PRKG1: variants seen among roughly 807,000 people sequenced by gnomAD.
The protein encoded by PRKG1 is protein kinase cGMP-dependent 1.
A neutral mutation model predicts 88.1 loss-of-function variants in PRKG1; 35 were observed. The observed-to-expected ratio is 0.40, with a 90% CI of 0.30 to 0.53. PRKG1 has a LOEUF of 0.53. Among genes scored for constraint, PRKG1 ranks in the 20% least tolerant of loss-of-function variants. PRKG1 has a pLI of 0.59. For synonymous variants in PRKG1, 303 were observed against 292.5 expected (o/e 1.04, Z -0.37); for missense variants, 540 against 839.8 (o/e 0.64, Z 4.41).
At chr10:51,796,053 G>C (rs1013458423) in intron 3 of PRKG1, among the ~76,000 whole-genome samples, 1 of 151,960 alleles carries the variant, frequency 6.6e-6, no homozygotes. Flanking sequence ...AGATTATGAC[G>C]GTCTGTGGTG....
intron 3 of PRKG1, among the ~76,000 whole-genome samples, chr10:51,507,836 T>C (rs1217436857): frequency 2.0e-5 from 3 of 152,208 alleles, no homozygotes; most frequent in Non-Finnish European, 4.4e-5. Context: ...TAAATGCTTT[T>C]GACAGTTTCC....
At chr10:52,038,090 A>G (rs1845663357) in intron 5 of PRKG1, among the ~76,000 whole-genome samples, 1 of 152,134 alleles carries the variant, frequency 6.6e-6, no homozygotes, top group Non-Finnish European at 1.5e-5. Flanking sequence ...GGCTATTTGG[A>G]ACTACTGTCG....
At chr10:51,710,173 T>A (rs897821076) in intron 3 of PRKG1, among the ~76,000 whole-genome samples, 1 of 152,144 alleles carries the variant, frequency 6.6e-6, no homozygotes, top group African/African-American at 2.4e-5. Context: ...GTGCTCAGAT[T>A]TGAGTCTCTG....
intron 2 of PRKG1, among the ~76,000 whole-genome samples, chr10:51,331,695 A>G (rs1299014184): frequency 1.3e-5 from 2 of 152,182 alleles, no homozygotes; most frequent in South Asian, 2.1e-4. Flanking sequence ...TTTTGTGAAC[A>G]TATTTTCATG....
chr10:51,892,426 A>C (rs558872279), intron 4 of PRKG1, among the ~76,000 whole-genome samples: 171 of 152,260 alleles, frequency 1.1e-3, no homozygotes, highest in Non-Finnish European at 2.2e-3. Context: ...AGAGTCCTAG[A>C]CCCATTTATC....
At chr10:52,134,110 T>A (rs1331456617) in intron 8 of PRKG1, among the ~76,000 whole-genome samples, 4 of 152,182 alleles carry the variant, frequency 2.6e-5, no homozygotes, top group Admixed American at 2.0e-4. Context: ...AACAAGGTAC[T>A]TAACCACTGT....
intron 3 of PRKG1, among the ~76,000 whole-genome samples, chr10:51,582,900 T>A (rs776596560): frequency 6.6e-6 from 1 of 152,164 alleles, no homozygotes; most frequent in Non-Finnish European, 1.5e-5. Context: ...ATTATTTGCA[T>A]AATATTGTCA....
chr10:51,166,666 C>T (rs925131251), intron 2 of PRKG1, among the ~76,000 whole-genome samples: 1 of 152,042 alleles, frequency 6.6e-6, no homozygotes, highest in Non-Finnish European at 1.5e-5. Context: ...AATTCTAGTA[C>T]TCAAAGGCAC....
chr10:51,305,760 CTTTGT>C (rs1298647150), intron 2 of PRKG1, among the ~76,000 whole-genome samples: 3 of 152,160 alleles, frequency 2.0e-5, no homozygotes, highest in East Asian at 1.9e-4. Flanking sequence ...TAACATTTTG[CTTTGT>C]TTTATGTTTT....
At chr10:51,058,171 T>A (rs1843653743) in intron 1 of PRKG1, among the ~76,000 whole-genome samples, 1 of 152,134 alleles carries the variant, frequency 6.6e-6, no homozygotes, top group South Asian at 2.1e-4. Flanking sequence ...GTTCAAGTAT[T>A]TTGCCCATTT....
intron 3 of PRKG1, among the ~76,000 whole-genome samples, chr10:51,566,900 G>C (rs1183545624): frequency 1.3e-5 from 2 of 150,716 alleles, no homozygotes; most frequent in Non-Finnish European, 2.9e-5. Flanking sequence ...CTTAAATGTT[G>C]TCAATATATA....
intron 5 of PRKG1, among the ~76,000 whole-genome samples, chr10:52,016,361 C>T (rs902387166): frequency 6.6e-6 from 1 of 152,126 alleles, no homozygotes; most frequent in African/African-American, 2.4e-5. Flanking sequence ...TTTAAACCAT[C>T]GGATCTTGTT....
chr10:51,842,014 C>G (rs763095390), intron 4 of PRKG1, among the ~76,000 whole-genome samples: 1 of 152,134 alleles, frequency 6.6e-6, no homozygotes, highest in Admixed American at 6.5e-5. Flanking sequence ...AGTATAGAGT[C>G]TTGGATTTCA....
At chr10:52,256,276 T>C (rs1338579883) in intron 10 of PRKG1, among the ~76,000 whole-genome samples, 1 of 139,440 alleles carries the variant, frequency 7.2e-6, no homozygotes, top group African/African-American at 2.5e-5. Flanking sequence ...TTGTCTGCTG[T>C]GTGCCTCTCT....
rs572832629 is a variant in PRKG1, at chr10:51,810,274, G to A, written c.698+5584G>A. On this transcript the variant is annotated intron_variant, in intron 4 of 17. Coordinates refer to ENST00000373980, the MANE Select transcript of PRKG1 (RefSeq NM_006258.4). ...CTTTCCAACTGTTAAAGAACTTGAA[G>A]ATGTTGTTCAATTTTAAAAGTACTG... is the stretch of plus-strand genomic sequence containing the variant. Among the ~76,000 whole-genome samples the A allele has an allele frequency of 2.0e-5, 3 of 152,272 alleles. No homozygotes were observed. The East Asian group carries it at 5.8e-4, about 29-fold the overall frequency.
At chr10:51,429,867 A>C (rs1838707514) in intron 2 of PRKG1, among the ~76,000 whole-genome samples, 1 of 151,916 alleles carries the variant, frequency 6.6e-6, no homozygotes, top group Non-Finnish European at 1.5e-5. Flanking sequence ...AGTCTCAAAG[A>C]CCTTTAGTAT....
chr10:51,915,863 T>C (rs577359246), intron 5 of PRKG1, among the ~76,000 whole-genome samples: 1 of 152,144 alleles, frequency 6.6e-6, no homozygotes, highest in Non-Finnish European at 1.5e-5. Context: ...CTTAACATTA[T>C]TAGTCATTCG....
intron 2 of PRKG1, among the ~76,000 whole-genome samples, chr10:51,328,040 A>G (rs1841637568): frequency 6.6e-6 from 1 of 152,318 alleles, no homozygotes; most frequent in East Asian, 1.9e-4. Context: ...AACCATAGTC[A>G]TGAGGTTATA....
chr10:51,827,024 T>C (rs1174660833), intron 4 of PRKG1, among the ~76,000 whole-genome samples: 1 of 152,164 alleles, frequency 6.6e-6, no homozygotes, highest in Non-Finnish European at 1.5e-5. Flanking sequence ...AAAGAAACAA[T>C]TAGTTTTCCC....
Sources: allele counts gnomAD v4.1 joint callset (sites outside exome capture counted in the v4.1 genomes callset), GRCh38; gene constraint gnomAD v4.1.1; transcripts MANE v1.5; gene names NCBI Gene and HGNC (gene_info 2026-07-23, HGNC 2026-07-21).